Variants in TNR observed in about 807,000 individuals in gnomAD.
The protein encoded by TNR is tenascin-R.
TNR carries 45 observed loss-of-function variants against 150.4 expected under a neutral mutation model. The observed-to-expected ratio is 0.30, with a 90% CI of 0.24 to 0.38. The LOEUF (loss-of-function observed/expected upper bound fraction) is 0.38. Ranked by LOEUF, TNR falls within the 10% of genes least tolerant of loss-of-function variation. The pLI is 1.00. For synonymous variants in TNR, 687 were observed against 678.4 expected, an observed-to-expected ratio of 1.01 and a Z score of -0.20; for missense variants, 1,544 against 1,759.1, an observed-to-expected ratio of 0.88 and a Z score of 2.19.
At chr1:175,492,598 T>C (rs1332771520) in intron 2 of TNR, among the ~76,000 whole-genome samples, 1 of 152,160 alleles carries the variant, frequency 6.6e-6, no homozygotes, top group Non-Finnish European at 1.5e-5. Flanking sequence ...AAGTTGATTT[T>C]TGGGGGGCCT....
chr1:175,466,753 T>A (rs912177954), intron 2 of TNR, among the ~76,000 whole-genome samples: 1 of 152,186 alleles, frequency 6.6e-6, no homozygotes, highest in South Asian at 2.1e-4. Flanking sequence ...ACCTGCCAGA[T>A]TGCCTACTGC....
chr1:175,677,657 G>T (rs1285125069), intron 1 of TNR, among the ~76,000 whole-genome samples: 1 of 152,272 alleles, frequency 6.6e-6, no homozygotes, highest in Admixed American at 6.5e-5. Context: ...TGGAGAGAAG[G>T]TACAAGGAGA....
At chr1:175,421,395 G>T (rs1438121465) in intron 2 of TNR, among the ~76,000 whole-genome samples, 1 of 152,148 alleles carries the variant, frequency 6.6e-6, no homozygotes, top group Non-Finnish European at 1.5e-5. Flanking sequence ...CATTATAAAA[G>T]CATTCCCCTG....
chr1:175,521,499 T>C (rs1343833766), intron 2 of TNR, among the ~76,000 whole-genome samples: 1 of 152,184 alleles, frequency 6.6e-6, no homozygotes, highest in Non-Finnish European at 1.5e-5. Flanking sequence ...ACCGCAGAAA[T>C]ATTTTCGGCC....
At chr1:175,667,917 C>T (rs769655874) in intron 1 of TNR, among the ~76,000 whole-genome samples, 24 of 152,214 alleles carry the variant, frequency 1.6e-4, no homozygotes, top group Non-Finnish European at 2.6e-4. Context: ...CAAAGAGACA[C>T]AATCTACTCA....
intron 1 of TNR, among the ~76,000 whole-genome samples, chr1:175,607,608 T>G (rs1663452011): frequency 6.6e-6 from 1 of 152,218 alleles, no homozygotes; most frequent in Admixed American, 6.5e-5. Context: ...ATCTGATGAA[T>G]CCTTTCTGCA....
intron 2 of TNR, among the ~76,000 whole-genome samples, chr1:175,426,792 G>GTA (rs1296777358): frequency 7.4e-6 from 1 of 135,676 alleles, no homozygotes; most frequent in African/African-American, 2.7e-5. Flanking sequence ...AGGTGTGTGT[G>GTA]TATATATATA....
intron 2 of TNR, among the ~76,000 whole-genome samples, chr1:175,523,491 A>G (rs1380632775): frequency 4.6e-5 from 7 of 152,236 alleles, no homozygotes; most frequent in Non-Finnish European, 1.0e-4. Context: ...AAGGAACGTT[A>G]GAGAAATACA....
intron 2 of TNR, among the ~76,000 whole-genome samples, chr1:175,409,299 TAGCACATAAC>T (rs1654101099): frequency 6.6e-6 from 1 of 152,210 alleles, no homozygotes; most frequent in Non-Finnish European, 1.5e-5. Flanking sequence ...TAACACCCCG[TAGCACATAAC>T]AGCTTTTTTG....
chr1:175,456,172 C>G (rs556574360), intron 2 of TNR, among the ~76,000 whole-genome samples: 1 of 152,194 alleles, frequency 6.6e-6, no homozygotes, highest in African/African-American at 2.4e-5. Context: ...CCCAGCCCCT[C>G]TGTACCTCCA....
rs187900022 is a variant in TNR at position 175,321,082 on chromosome 1, G to A, written c.*2275C>T. The A allele has an allele frequency of 1.3e-5, 2 of 152,284 alleles. No homozygotes were observed. The highest frequency in any genetic ancestry group is 2.9e-5 in the Non-Finnish European group (2 of 68,030). The allele number at this position is 152,284 out of a possible 1,614,324, so 9.4% of individuals were successfully genotyped here. On this transcript the variant is annotated 3_prime_UTR_variant, in exon 23 of 23. Transcript: ENST00000367674. ...GTACCTCGGCCCTCAAGTTTCCCATGCAATGTGCTTCCTACTATTCATTGT... is the reference window on the plus strand; with the variant it reads ...GTACCTCGGCCCTCAAGTTTCCCATACAATGTGCTTCCTACTATTCATTGT...
chr1:175,376,859 A>ATT (rs1019084017), intron 9 of TNR, among the ~76,000 whole-genome samples: 16 of 92,530 alleles, frequency 1.7e-4, no homozygotes, highest in South Asian at 3.9e-4. Flanking sequence ...TAAATGTAAT[A>ATT]TTATATATAT....
At chr1:175,582,790 T>C (rs1662408257) in intron 1 of TNR, among the ~76,000 whole-genome samples, 1 of 152,086 alleles carries the variant, frequency 6.6e-6, no homozygotes, top group Admixed American at 6.5e-5. Context: ...TATTAAGAGG[T>C]GGAACCTTTA....
rs141316716 is a variant in TNR, at chr1:175,410,424, C to T, written c.-63-3647G>A. Among the ~76,000 whole-genome samples the T allele has an allele frequency of 9.2e-5, 14 of 152,248 alleles. No individual in the cohort carries two copies. The East Asian group carries it at 9.6e-4, about 10-fold the overall frequency. On this transcript the variant is annotated intron_variant, in intron 2 of 22. Coordinates refer to ENST00000367674, the MANE Select transcript of TNR (RefSeq NM_003285.3). ...GGAGATGAAAACACAAGCAATATAA[C>T]GACAATGCAATGTGATAATTACCAT...
chr1:175,508,118 G>C (rs887224999), intron 2 of TNR, among the ~76,000 whole-genome samples: 1 of 152,028 alleles, frequency 6.6e-6, no homozygotes, highest in Non-Finnish European at 1.5e-5. Flanking sequence ...CGCGGGGTGG[G>C]GGCAAGGGAA....
At chr1:175,439,531 T>G (rs1444106611) in intron 2 of TNR, among the ~76,000 whole-genome samples, 5 of 152,144 alleles carry the variant, frequency 3.3e-5, no homozygotes, top group Admixed American at 6.5e-5. Context: ...AAATGGGATC[T>G]AATTAAACTA....
chr1:175,388,166 A>T (rs770712361), intron 7 of TNR, among the ~76,000 whole-genome samples: 1 of 152,108 alleles, frequency 6.6e-6, no homozygotes, highest in Non-Finnish European at 1.5e-5. Flanking sequence ...CATAGTAGAC[A>T]CTCAGTAAAT....
At chr1:175,585,631 C>A (rs1029924103) in intron 1 of TNR, among the ~76,000 whole-genome samples, 2 of 152,148 alleles carry the variant, frequency 1.3e-5, no homozygotes, top group Non-Finnish European at 2.9e-5. Flanking sequence ...GACAGGAAGA[C>A]CTTAATAGTA....
At chr1:175,713,025 G>A (rs1455981813) in intron 1 of TNR, among the ~76,000 whole-genome samples, 1 of 152,168 alleles carries the variant, frequency 6.6e-6, no homozygotes, top group Non-Finnish European at 1.5e-5. Flanking sequence ...GAGCACAGGA[G>A]AAGAGTCAGG....
Sources: gnomAD v4.1 joint callset for allele counts (sites outside exome capture counted in the v4.1 genomes callset) on GRCh38, gnomAD v4.1.1 for gene constraint, MANE v1.5 for transcripts, NCBI Gene and HGNC (gene_info 2026-07-23, HGNC 2026-07-21) for gene names.